Variants in SYT13 observed in about 807,000 individuals in gnomAD.
SYT13 encodes synaptotagmin-13.
A neutral mutation model predicts 38.6 loss-of-function variants in SYT13; 21 were observed. The observed-to-expected ratio is 0.54, with a 90% CI of 0.39 to 0.78. SYT13 has a LOEUF of 0.78. Among genes scored for constraint, SYT13 ranks in the 30% least tolerant of loss-of-function variants. The pLI is 0.00. For synonymous variants in SYT13, 241 were observed against 237.6 expected, an observed-to-expected ratio of 1.01 and a Z score of -0.13; for missense variants, 495 against 548.7, an observed-to-expected ratio of 0.90 and a Z score of 0.98.
At chr11:45,249,295 G>C (rs914468487) in intron 4 of SYT13, among the ~76,000 whole-genome samples, 3 of 152,228 alleles carry the variant, frequency 2.0e-5, no homozygotes, top group African/African-American at 7.2e-5. Flanking sequence ...CTTTTACACT[G>C]TTGGTGGGAC....
At chr11:45,260,103 G>A (rs1854797384) in intron 1 of SYT13, among the ~76,000 whole-genome samples, 1 of 152,142 alleles carries the variant, frequency 6.6e-6, no homozygotes, top group Non-Finnish European at 1.5e-5. Context: ...ACTGGGCCTA[G>A]GGTAGAAAGA....
chr11:45,269,420 T>G, intron 1 of SYT13: 1 of 1,229,080 alleles, frequency 8.1e-7, no homozygotes, highest in Non-Finnish European at 1.0e-6. Context: ...GAGATTTCCT[T>G]CTTGTAGGTG....
Position 45,246,508 on chromosome 11 carries a change from G to T in SYT13, c.851C>A (p.Pro284Gln), listed in dbSNP as rs762541247. Residue 284 changes from proline (P) to glutamine (Q), a missense_variant, in exon 5 of 6, where the codon CCA becomes CAA. Physicochemically the swap from Pro to Gln is moderately conservative, Grantham distance 76 (BLOSUM62 -1). Transcript: ENST00000020926. ...WGELKTSAKE[P>Q]SAGAGEVLLS... Reference sequence around the variant, plus strand: ...TAGGACCTCTCCAGCTCCTGCAGATGGCTCCTGAAACAGAAAAGGAGATGC... The same window carrying T: ...TAGGACCTCTCCAGCTCCTGCAGATTGCTCCTGAAACAGAAAAGGAGATGC... 122 of 1,613,894 alleles carry T rather than the reference G, an allele frequency of 7.6e-5. 1 individual carries two copies. The highest frequency in any genetic ancestry group is 4.9e-4 in the Middle Eastern group (3 of 6,082).
At chr11:45,247,929 T>G (rs1047029958) in intron 4 of SYT13, among the ~76,000 whole-genome samples, 4 of 152,196 alleles carry the variant, frequency 2.6e-5, no homozygotes, top group Admixed American at 1.3e-4. Context: ...TATAGCAAGT[T>G]CTTAGTAAAG....
At chr11:45,261,107 C>T (rs956772108) in intron 1 of SYT13, among the ~76,000 whole-genome samples, 13 of 152,186 alleles carry the variant, frequency 8.5e-5, no homozygotes, top group African/African-American at 2.7e-4. Context: ...CCAATAAGCA[C>T]ATGAAAAGAT....
chr11:45,276,622 A>G (rs1360007132), intron 1 of SYT13, among the ~76,000 whole-genome samples: 1 of 151,930 alleles, frequency 6.6e-6, no homozygotes, highest in African/African-American at 2.4e-5. Flanking sequence ...GAATATTTTA[A>G]AAGTGAGAAT....
chr11:45,242,195 G>C lies in SYT13; in HGVS notation c.*1857C>G, dbSNP rs917412572. ...CCAGAGTTTTAATATTAATAGAGAG[G>C]GGTCCAAAGGCAGAATCCATGGTTC... is the stretch of plus-strand genomic sequence containing the variant. On this transcript the variant is annotated 3_prime_UTR_variant, in exon 6 of 6. Coordinates refer to ENST00000020926, the MANE Select transcript of SYT13 (RefSeq NM_020826.3). 14 of 152,114 alleles carry C rather than the reference G, an allele frequency of 9.2e-5. No individual in the cohort carries two copies. Among genetic ancestry groups the C allele is most frequent in the African/African-American group, 3.1e-4 (13 of 41,422 alleles). 9.4% of individuals were successfully genotyped at this position (152,114 alleles called of 1,614,324 possible).
Position 45,246,463 on chromosome 11 carries a change from G to T in SYT13, c.896C>A (p.Pro299Gln), listed in dbSNP as rs567477466. 4 of 1,614,008 alleles carry T rather than the reference G, an allele frequency of 2.5e-6. No homozygotes were observed. Among genetic ancestry groups the T allele is most frequent in the South Asian group, 1.1e-5 (1 of 91,082 alleles). Residue 299 changes from proline to glutamine, a missense_variant, in exon 5 of 6, where the codon CCG (proline) becomes CAG (glutamine). Pro to Gln is a moderately conservative substitution (Grantham distance 76). Coordinates refer to ENST00000020926, the MANE Select transcript of SYT13 (RefSeq NM_020826.3). ...CACCACCAGGAGGCGGTTGGCAGCC[G>T]GGAGGTAGCTGATGGATAGTAGGAC... ...GEVLLSISYL[P>Q]AANRLLVVLI...
intron 1 of SYT13, among the ~76,000 whole-genome samples, chr11:45,262,872 G>A (rs75870057): frequency 0.027 from 4,145 of 152,088 alleles, 195 homozygotes; most frequent in African/African-American, 0.094. Flanking sequence ...CATCTCCATG[G>A]GAGGAACTCG....
At chr11:45,282,295 C>T (rs1227179698) in intron 1 of SYT13, among the ~76,000 whole-genome samples, 1 of 152,134 alleles carries the variant, frequency 6.6e-6, no homozygotes, top group Non-Finnish European at 1.5e-5. Context: ...CCTGGAAGGG[C>T]TGCACATTAA....
At position 45,241,614 on chromosome 11, in the gene SYT13, C is replaced by T. The variant is rs552717820; in HGVS notation, c.*2438G>A. On this transcript the variant is annotated 3_prime_UTR_variant, in exon 6 of 6. Coordinates refer to ENST00000020926, the MANE Select transcript of SYT13 (RefSeq NM_020826.3). ...TGGGATCGGGGCCCCGCCCAGCCCACCTGAAATTCCTTTGATGGTACTATA... is the reference window on the plus strand; with the variant it reads ...TGGGATCGGGGCCCCGCCCAGCCCATCTGAAATTCCTTTGATGGTACTATA... The T allele has an allele frequency of 1.3e-4, 20 of 151,758 alleles. No individual in the cohort carries two copies. Among genetic ancestry groups the T allele is most frequent in the Admixed American group, 1.2e-3 (19 of 15,238 alleles). 9.4% of individuals were successfully genotyped at this position (151,758 alleles called of 1,614,324 possible). A position where few individuals can be genotyped will look rare whatever the true frequency, so the allele number is the denominator to read the frequency against.
In SYT13 at chr11:45,246,669, G is replaced by C. The variant is rs1322076298; in HGVS notation, c.847-157C>G. 3.3e-5 allele frequency among the ~76,000 whole-genome samples: 5 copies of C among 152,126 alleles called. No individual in the cohort carries two copies. In the East Asian group the frequency reaches 9.6e-4, roughly 29 times the overall value. On this transcript the variant is annotated intron_variant, in intron 4 of 5. Transcript: ENST00000020926. ...TGCTGGGGTGTCCACCCTTGCAGAA[G>C]AGAGCAAGGCACAGAGGAATTCCAT... is the stretch of plus-strand genomic sequence containing the variant.
chr11:45,285,286 C>T (rs1855120216), intron 1 of SYT13, among the ~76,000 whole-genome samples: 1 of 152,242 alleles, frequency 6.6e-6, no homozygotes. Context: ...CTATTTCCTG[C>T]ACGAAGGGGC....
intron 5 of SYT13, among the ~76,000 whole-genome samples, chr11:45,245,165 C>T (rs1411540092): frequency 6.6e-6 from 1 of 152,204 alleles, no homozygotes; most frequent in African/African-American, 2.4e-5. Context: ...TCCCCCAAAC[C>T]CAGGGCACTG....
intron 5 of SYT13, among the ~76,000 whole-genome samples, chr11:45,244,663 ATT>A (rs2135883459): frequency 6.6e-6 from 1 of 152,232 alleles, no homozygotes; most frequent in East Asian, 1.9e-4. Flanking sequence ...ATTGGGGATT[ATT>A]CTCCACTCCC....
chr11:45,272,211 G>A (rs1475607111), intron 1 of SYT13, among the ~76,000 whole-genome samples: 1 of 152,144 alleles, frequency 6.6e-6, no homozygotes, highest in African/African-American at 2.4e-5. Flanking sequence ...GGGTGGTTGG[G>A]GAGGGATAGC....
Position 45,274,400 on chromosome 11 carries a change from T to C in SYT13, c.183+11625A>G, listed in dbSNP as rs554340711. Among the ~76,000 whole-genome samples, 6 of 152,332 alleles carry C rather than the reference T, an allele frequency of 3.9e-5. No individual in the cohort carries two copies. The South Asian group carries it at 6.2e-4, about 16-fold the overall frequency. On this transcript the variant is annotated intron_variant, in intron 1 of 5. Transcript: ENST00000020926. ...ATTTGTTAGTAAGTAAGAGACGAGA[T>C]CATTAGATGATGCATTGCAAAGAAT...
chr11:45,243,709 T>G lies in SYT13; in HGVS notation c.*343A>C. On this transcript the variant is annotated 3_prime_UTR_variant, in exon 6 of 6. Transcript: ENST00000020926. ...TCATCATTTTTGAAATGCTTGTTTTTCAAAAAGCCAAATTCTTCTTTGCAT... is the reference window on the plus strand; with the variant it reads ...TCATCATTTTTGAAATGCTTGTTTTGCAAAAAGCCAAATTCTTCTTTGCAT... 4.7e-6 allele frequency: 1 copy of G among 214,626 alleles called. No individual in the cohort carries two copies. The highest frequency in any genetic ancestry group is 9.1e-6 in the Non-Finnish European group (1 of 109,600). The allele number at this position is 214,626 out of a possible 1,614,324, so 13.3% of individuals were successfully genotyped here.
chr11:45,255,250 AC>A, intron 2 of SYT13, among the ~76,000 whole-genome samples: 1 of 152,160 alleles, frequency 6.6e-6, no homozygotes, highest in East Asian at 1.9e-4. Context: ...CAACTCCCCT[AC>A]CAGACAGATA....
Sources: allele counts gnomAD v4.1 joint callset (sites outside exome capture counted in the v4.1 genomes callset), GRCh38; gene constraint gnomAD v4.1.1; transcripts MANE v1.5; gene names NCBI Gene and HGNC (gene_info 2026-07-23, HGNC 2026-07-21).